Variants in FBXO28 observed in about 807,000 individuals in gnomAD.
FBXO28 encodes the protein F-box only protein 28.
Under a neutral mutation model 38.1 loss-of-function variants are expected in FBXO28, and 8 were observed. The ratio of observed to expected loss-of-function variants is 0.21; its 90% confidence interval spans 0.12 to 0.38. The LOEUF (loss-of-function observed/expected upper bound fraction) is 0.38, where lower values mean the gene tolerates loss of function less well. Ranked by LOEUF, FBXO28 falls within the 10% of genes least tolerant of loss-of-function variation. The pLI, the probability that FBXO28 is intolerant of heterozygous loss-of-function variation, is 1.00. For missense variants in FBXO28, 345 were observed against 460.6 expected, an observed-to-expected ratio of 0.75 and a Z score of 2.30; for synonymous variants, 168 against 173.8, an observed-to-expected ratio of 0.97 and a Z score of 0.26.
Position 224,141,043 on chromosome 1 carries a change from G to A in FBXO28, c.516+6831G>A, listed in dbSNP as rs139773837. 4.2e-3 allele frequency among the ~76,000 whole-genome samples: 632 copies of A among 151,248 alleles called. 7 individuals carry two copies. Among genetic ancestry groups the A allele is most frequent in the African/African-American group, 0.015 (617 of 41,166 alleles). On this transcript the variant is annotated intron_variant, in intron 3 of 4. Coordinates refer to ENST00000366862, the MANE Select transcript of FBXO28 (RefSeq NM_015176.4). ...ACTAAAAATGCAAAATTAGCCAAGT[G>A]TAGTGGCAAACACCTGTTGTCCCAG...
chr1:224,144,302 G>GA (rs553418870), intron 3 of FBXO28, among the ~76,000 whole-genome samples: 24 of 129,286 alleles, frequency 1.9e-4, no homozygotes, highest in African/African-American at 4.6e-4. Flanking sequence ...CGTCTCTACA[G>GA]AAAAAAAAAA....
chr1:224,138,227 CA>C (rs559462402), intron 3 of FBXO28, among the ~76,000 whole-genome samples: 1 of 148,644 alleles, frequency 6.7e-6, no homozygotes, highest in African/African-American at 2.5e-5. Flanking sequence ...GACCCTGCCA[CA>C]AAAAAAAAGA....
chr1:224,145,173 T>C (rs1657468927), intron 3 of FBXO28, among the ~76,000 whole-genome samples: 2 of 150,788 alleles, frequency 1.3e-5, no homozygotes, highest in Admixed American at 1.3e-4. Flanking sequence ...CGGGCATCTG[T>C]AGTTCCAGCT....
In FBXO28 at chr1:224,158,552, C is replaced by G. The variant is rs1312712288; in HGVS notation, c.*806C>G. 2 of 152,550 alleles carry G rather than the reference C, an allele frequency of 1.3e-5. No individual in the cohort carries two copies. Among genetic ancestry groups the G allele is most frequent in the East Asian group, 3.8e-4 (2 of 5,200 alleles). 9.4% of individuals were successfully genotyped at this position (152,550 alleles called of 1,614,324 possible). A position where few individuals can be genotyped will look rare whatever the true frequency, so the allele number is the denominator to read the frequency against. On this transcript the variant is annotated 3_prime_UTR_variant, in exon 5 of 5. Coordinates refer to ENST00000366862, the MANE Select transcript of FBXO28 (RefSeq NM_015176.4). ...CATCTTCCACCGCAACAGCTTGCCT[C>G]TAGAGGGGGAATTGTTCATCCATTT...
At chr1:224,123,251 A>T (rs1656818031) in intron 1 of FBXO28, among the ~76,000 whole-genome samples, 2 of 151,950 alleles carry the variant, frequency 1.3e-5, no homozygotes, top group East Asian at 3.9e-4. Flanking sequence ...TACATTTTAA[A>T]ACTGGGTTCC....
chr1:224,134,313 TTC>T (rs1291686442), intron 3 of FBXO28, 101 bp downstream of exon 3: 33 of 1,096,680 alleles, frequency 3.0e-5, no homozygotes, highest in Admixed American at 1.1e-4. Context: ...TTGTTTCTAC[TTC>T]TCTGAGTTTC....
chr1:224,153,086 A>G (rs1410207943), intron 3 of FBXO28, 56 bp from the exon 4 acceptor site: 7 of 1,418,006 alleles, frequency 4.9e-6, no homozygotes, highest in East Asian at 2.3e-5. Context: ...CTGTTTAGCT[A>G]TTTTCTTTAT....
intron 1 of FBXO28, among the ~76,000 whole-genome samples, chr1:224,115,241 TGTG>T (rs779264583): frequency 2.0e-5 from 3 of 152,348 alleles, no homozygotes; most frequent in South Asian, 2.1e-4. Flanking sequence ...GGTTTGAAGA[TGTG>T]GTGATTGTTA....
In FBXO28 at chr1:224,114,305, C is replaced by T. The variant is rs374130543; in HGVS notation, c.176C>T (p.Pro59Leu). The change falls in exon 1 of 5, where the codon CCT (proline) becomes CTT (leucine). Residue 59 changes from proline to leucine, a missense_variant. Physicochemically the swap from Pro to Leu is moderately conservative, Grantham distance 98. Transcript: ENST00000366862. ...PAPALAPDQL[P>L]QNNTLVALPI... is the part of the protein sequence containing the mutation. ...CCCGCGCTGGCTCCGGACCAGCTGC[C>T]TCAAAACAACACGCTTGTGGCGCTG... is the stretch of plus-strand genomic sequence containing the variant. 4.5e-5 allele frequency: 70 copies of T among 1,571,190 alleles called. No homozygotes were observed. The East Asian group carries it at 1.6e-3, about 35-fold the overall frequency.
chr1:224,131,705 C>T (rs1360813419), intron 2 of FBXO28, among the ~76,000 whole-genome samples: 1 of 152,104 alleles, frequency 6.6e-6, no homozygotes, highest in East Asian at 1.9e-4. Flanking sequence ...AATGTCAGCA[C>T]TATACTATAT....
In FBXO28 at chr1:224,146,617, C is replaced by T. The variant is rs539590589; in HGVS notation, c.517-6525C>T. ...TTTCTAGCTATGTTGCTCTTGAACTCCTGCCTCCCTTGGCCTCTCAAAGTG... is the reference window on the plus strand; with the variant it reads ...TTTCTAGCTATGTTGCTCTTGAACTTCTGCCTCCCTTGGCCTCTCAAAGTG... On this transcript the variant is annotated intron_variant, in intron 3 of 4. Transcript: ENST00000366862. 3.3e-5 allele frequency among the ~76,000 whole-genome samples: 5 copies of T among 152,150 alleles called. No homozygotes were observed. The South Asian group carries it at 1.0e-3, about 32-fold the overall frequency.
chr1:224,126,891 C>T (rs552807366), intron 1 of FBXO28, among the ~76,000 whole-genome samples: 30 of 152,106 alleles, frequency 2.0e-4, no homozygotes, highest in Non-Finnish European at 3.7e-4. Context: ...TTTTTATTCC[C>T]CAGAGGCACC....
At chr1:224,117,409 C>T (rs1656668285) in intron 1 of FBXO28, among the ~76,000 whole-genome samples, 1 of 151,798 alleles carries the variant, frequency 6.6e-6, no homozygotes, top group Non-Finnish European at 1.5e-5. Context: ...CTCAGGCAAT[C>T]CACCCACCTA....
chr1:224,119,135 C>CTTTTTTTTTTTTTTTTTTTTTTTTTT (rs67458349), intron 1 of FBXO28, among the ~76,000 whole-genome samples: 1 of 109,910 alleles, frequency 9.1e-6, no homozygotes, highest in Non-Finnish European at 1.7e-5. Flanking sequence ...TCTTTTTTTT[C>CTTTTTTTTTTTTTTTTTTTTTTTTTT]TTTTTTTTTT....
intron 1 of FBXO28, among the ~76,000 whole-genome samples, chr1:224,115,109 T>C (rs575307409): frequency 6.6e-6 from 1 of 152,328 alleles, no homozygotes; most frequent in East Asian, 1.9e-4. Context: ...TATTTTTAAC[T>C]AGTGATTTAC....
intron 4 of FBXO28, among the ~76,000 whole-genome samples, chr1:224,153,941 A>G (rs1332785752): frequency 6.6e-6 from 1 of 151,612 alleles, no homozygotes; most frequent in African/African-American, 2.4e-5. Flanking sequence ...AAAAAGAAAT[A>G]GGATTGCTGG....
intron 3 of FBXO28, among the ~76,000 whole-genome samples, chr1:224,146,126 C>A (rs1161693294): frequency 5.3e-5 from 8 of 150,770 alleles, no homozygotes; most frequent in African/African-American, 2.0e-4. Flanking sequence ...CCCAGCTACT[C>A]AGGAGGCTGA....
chr1:224,144,574 A>G (rs1026377056), intron 3 of FBXO28, among the ~76,000 whole-genome samples: 2 of 152,238 alleles, frequency 1.3e-5, no homozygotes, highest in African/African-American at 2.4e-5. Flanking sequence ...CCTGGCCAAC[A>G]TGGTGAAACC....
intron 3 of FBXO28, among the ~76,000 whole-genome samples, chr1:224,139,036 G>A (rs559315005): frequency 6.6e-6 from 1 of 151,806 alleles, no homozygotes; most frequent in Non-Finnish European, 1.5e-5. Context: ...GCCCACCTTA[G>A]CCTCCCAAAG....
Sources: gnomAD v4.1 joint callset for allele counts (sites outside exome capture counted in the v4.1 genomes callset) on GRCh38, gnomAD v4.1.1 for gene constraint, MANE v1.5 for transcripts, NCBI Gene and HGNC (gene_info 2026-07-23, HGNC 2026-07-21) for gene names.